The following OPN5 variants were observed in gnomAD, a reference collection of about 807,000 sequenced individuals.
The protein encoded by OPN5 is opsin-5.
A neutral mutation model predicts 41.7 loss-of-function variants in OPN5; 18 were observed. That is an observed-to-expected ratio of 0.43 (90% CI 0.30 to 0.64). The LOEUF (loss-of-function observed/expected upper bound fraction) is 0.64. Among genes scored for constraint, OPN5 ranks in the 30% least tolerant of loss-of-function variants. The pLI, the probability that OPN5 is intolerant of heterozygous loss-of-function variation, is 0.13. For missense variants in OPN5, 318 were observed against 434.5 expected (o/e 0.73, Z 2.38); for synonymous variants, 178 against 164.3 (o/e 1.08, Z -0.64).
intron 4 of OPN5, 50 bp from the exon 5 acceptor site, chr6:47,808,104 G>A (rs1223651055): frequency 6.2e-7 from 1 of 1,603,930 alleles, no homozygotes; most frequent in Non-Finnish European, 8.5e-7. Context: ...TCAGACTCAT[G>A]TCCTTTATCA....
At chr6:47,783,033 T>G (rs1164473518) in intron 1 of OPN5, among the ~76,000 whole-genome samples, 1 of 152,008 alleles carries the variant, frequency 6.6e-6, no homozygotes, top group South Asian at 2.1e-4. Flanking sequence ...AAAATTAATT[T>G]ACTGTAAATT....
intron 3 of OPN5, among the ~76,000 whole-genome samples, chr6:47,792,307 G>A (rs1773399142): frequency 6.6e-6 from 1 of 152,220 alleles, no homozygotes; most frequent in African/African-American, 2.4e-5. Context: ...TTAAGTCCAA[G>A]ATGTTTAGCT....
intron 6 of OPN5, among the ~76,000 whole-genome samples, chr6:47,816,361 G>A (rs1455126950): frequency 6.6e-6 from 1 of 152,158 alleles, no homozygotes; most frequent in Non-Finnish European, 1.5e-5. Context: ...GAGAGGTCCT[G>A]GGAATTGATT....
Position 47,799,196 on chromosome 6 carries a change from GTA to G in OPN5, c.756+3654_756+3655del, listed in dbSNP as rs377613785. ...CACAGGCTATAAACAGAGGTGTGAT[GTA>G]TATATATATATATATATATACACAC... On this transcript the variant is annotated intron_variant, in intron 4 of 6. Transcript: ENST00000371211. Among the ~76,000 whole-genome samples, 377 of 146,660 alleles carry G rather than the reference GTA, an allele frequency of 2.6e-3. 2 individuals carry two copies. Among genetic ancestry groups the G allele is most frequent in the African/African-American group, 8.0e-3 (316 of 39,470 alleles).
chr6:47,784,108 C>T (rs1773141127), intron 1 of OPN5, among the ~76,000 whole-genome samples: 1 of 152,038 alleles, frequency 6.6e-6, no homozygotes, highest in African/African-American at 2.4e-5. Context: ...AAAAAGAGTC[C>T]CTGGACAGGG....
intron 1 of OPN5, among the ~76,000 whole-genome samples, chr6:47,784,013 C>T (rs1441553102): frequency 1.3e-5 from 2 of 152,112 alleles, no homozygotes; most frequent in African/African-American, 4.8e-5. Context: ...AGGAGAATTT[C>T]CCACCTGATA....
downstream of OPN5, chr6:47,825,442 T>G (rs1301435231): frequency 6.6e-6 from 1 of 152,204 alleles, no homozygotes. Flanking sequence ...ATAAGTTAGG[T>G]ACTTTGGCAA....
exon 7 of OPN5, chr6:47,823,991 A>G: frequency 6.5e-7 from 1 of 1,550,280 alleles, no homozygotes. Flanking sequence ...AGTGGGAATA[A>G]CAAATGTTCT....
At chr6:47,799,750 G>C (rs185685048) in intron 4 of OPN5, among the ~76,000 whole-genome samples, 1 of 152,090 alleles carries the variant, frequency 6.6e-6, no homozygotes, top group African/African-American at 2.4e-5. Flanking sequence ...AGCTCAGTGG[G>C]GTAGGTTCAG....
chr6:47,823,720 A>T (rs565152335), intron 6 of OPN5, among the ~76,000 whole-genome samples: 4 of 152,222 alleles, frequency 2.6e-5, no homozygotes, highest in Admixed American at 6.5e-5. Flanking sequence ...GTATTGGGAG[A>T]CTTTGGAGAT....
chr6:47,823,666 G>A (rs1762705863), intron 6 of OPN5: 1 of 465,558 alleles, frequency 2.1e-6, no homozygotes, highest in Non-Finnish European at 3.8e-6. Context: ...TTTGGAGTTT[G>A]CATTTCATTC....
At chr6:47,824,132 G>A (rs774555394) in exon 7 of OPN5, 1 of 697,656 alleles carries the variant, frequency 1.4e-6, no homozygotes, top group Non-Finnish European at 2.6e-6. Context: ...AATTCACAAG[G>A]AATATCAAAA....
intron 6 of OPN5, among the ~76,000 whole-genome samples, chr6:47,816,798 C>T (rs908217953): frequency 6.6e-6 from 1 of 152,004 alleles, no homozygotes; most frequent in African/African-American, 2.4e-5. Flanking sequence ...ATTCATGTAT[C>T]ACCTGTAAGA....
At chr6:47,803,539 C>T (rs1441060694) in intron 4 of OPN5, among the ~76,000 whole-genome samples, 1 of 152,170 alleles carries the variant, frequency 6.6e-6, no homozygotes, top group African/African-American at 2.4e-5. Context: ...TTTTCTCACC[C>T]TAGCCACTGA....
chr6:47,801,062 TATGTATGAGCCATC>T (rs1437672947), intron 4 of OPN5, among the ~76,000 whole-genome samples: 1 of 152,174 alleles, frequency 6.6e-6, no homozygotes. Flanking sequence ...GTCCACCTGC[TATGTATGAGCCATC>T]AGAGCACTTG....
At chr6:47,785,091 A>G (rs910004388) in intron 1 of OPN5, among the ~76,000 whole-genome samples, 1 of 152,220 alleles carries the variant, frequency 6.6e-6, no homozygotes, top group Non-Finnish European at 1.5e-5. Context: ...AAGAAAACAA[A>G]TATTTTCAAA....
chr6:47,783,588 T>C (rs960599348), intron 1 of OPN5, among the ~76,000 whole-genome samples: 5 of 152,194 alleles, frequency 3.3e-5, no homozygotes, highest in African/African-American at 7.2e-5. Context: ...GTCTTTATTG[T>C]TGTTAGTGTT....
exon 1 of OPN5, chr6:47,782,141 T>G (rs992476841): frequency 6.2e-7 from 1 of 1,613,776 alleles, no homozygotes; most frequent in Admixed American, 1.7e-5. Context: ...ATCCTTTTGC[T>G]TCCAAACTTT....
chr6:47,824,327 A>T, exon 7 of OPN5: 1 of 358,182 alleles, frequency 2.8e-6, no homozygotes, highest in Non-Finnish European at 5.1e-6. Context: ...TGGCCTGAAA[A>T]GCCTGATTCA....
Sources: allele counts gnomAD v4.1 joint callset (sites outside exome capture counted in the v4.1 genomes callset), GRCh38; gene constraint gnomAD v4.1.1; transcripts MANE v1.5; gene names NCBI Gene and HGNC (gene_info 2026-07-23, HGNC 2026-07-21).